PDE10A: variants seen among roughly 807,000 people sequenced by gnomAD.
PDE10A encodes the protein cAMP and cAMP-inhibited cGMP 3',5'-cyclic phosphodiesterase 10A.
Under a neutral mutation model 97.7 loss-of-function variants are expected in PDE10A, and 39 were observed. The observed-to-expected ratio is 0.40, with a 90% CI of 0.31 to 0.52. The LOEUF (loss-of-function observed/expected upper bound fraction) is 0.52, where lower values mean the gene tolerates loss of function less well. PDE10A is among the 20% of genes least tolerant of loss of function. The pLI is 0.56. For synonymous variants in PDE10A, 371 were observed against 376.8 expected, an observed-to-expected ratio of 0.98 and a Z score of 0.18; for missense variants, 731 against 1,047.8, an observed-to-expected ratio of 0.70 and a Z score of 4.17.
At chr6:165,812,330 AT>A (rs1284681659) in intron 1 of PDE10A, among the ~76,000 whole-genome samples, 6 of 152,226 alleles carry the variant, frequency 3.9e-5, no homozygotes, top group African/African-American at 1.4e-4. Flanking sequence ...CAAGAATGTT[AT>A]TTCTAATCTC....
chr6:165,675,955 A>G (rs1279061105), intron 1 of PDE10A, among the ~76,000 whole-genome samples: 1 of 152,238 alleles, frequency 6.6e-6, no homozygotes, highest in African/African-American at 2.4e-5. Context: ...TTGCAGGACT[A>G]TTCACAATAG....
chr6:165,726,045 G>T (rs1386792415), intron 1 of PDE10A, among the ~76,000 whole-genome samples: 1 of 152,158 alleles, frequency 6.6e-6, no homozygotes, highest in Non-Finnish European at 1.5e-5. Context: ...AGAAATAAAA[G>T]CTCTACTTCC....
chr6:165,849,590 C>G (rs1345501125), intron 1 of PDE10A, among the ~76,000 whole-genome samples: 1 of 152,166 alleles, frequency 6.6e-6, no homozygotes, highest in Non-Finnish European at 1.5e-5. Context: ...CATTCGCTGC[C>G]TAACCCAATT....
intron 1 of PDE10A, among the ~76,000 whole-genome samples, chr6:165,719,145 A>C (rs1792100673): frequency 6.6e-6 from 1 of 152,204 alleles, no homozygotes; most frequent in African/African-American, 2.4e-5. Flanking sequence ...AACTTTGAGG[A>C]TTAATTCAGG....
chr6:165,798,896 T>C (rs1275872815), intron 1 of PDE10A, among the ~76,000 whole-genome samples: 5 of 152,098 alleles, frequency 3.3e-5, no homozygotes, highest in African/African-American at 1.2e-4. Flanking sequence ...TTTGTAGAAA[T>C]GGGGTTTCAC....
At position 165,482,412 on chromosome 6, in the gene PDE10A, T is replaced by G. The variant is rs1779658567; in HGVS notation, c.995-69A>C. The G allele has an allele frequency of 2.6e-6, 3 of 1,142,474 alleles. No individual in the cohort carries two copies. In the East Asian group the frequency reaches 7.1e-5, roughly 27 times the overall value. 70.8% of individuals were successfully genotyped at this position (1,142,474 alleles called of 1,614,324 possible). A position where few individuals can be genotyped will look rare whatever the true frequency, so the allele number is the denominator to read the frequency against. ...AGTAGGTTTTAAAATACAAAACATG[T>G]CATTTGCTTTCAATAAACTTGAAGG... is the stretch of plus-strand genomic sequence containing the variant. On this transcript the variant is annotated intron_variant, in intron 2 of 21. Transcript: ENST00000539869.
intron 1 of PDE10A, among the ~76,000 whole-genome samples, chr6:165,874,374 GA>G (rs927972119): frequency 4.0e-4 from 55 of 136,306 alleles, no homozygotes; most frequent in African/African-American, 1.3e-3. Context: ...TTTCGCATTA[GA>G]AAAAAAAAAT....
chr6:165,683,650 C>T (rs918400999), intron 1 of PDE10A, among the ~76,000 whole-genome samples: 3 of 152,132 alleles, frequency 2.0e-5, no homozygotes, highest in African/African-American at 7.2e-5. Context: ...ACCTCCCTGA[C>T]CGTGTGAGGT....
At chr6:165,857,199 T>C (rs896228105) in intron 1 of PDE10A, among the ~76,000 whole-genome samples, 3 of 152,034 alleles carry the variant, frequency 2.0e-5, no homozygotes, top group African/African-American at 7.2e-5. Flanking sequence ...CCCAGGAGAA[T>C]TGGCATTAAC....
chr6:165,454,833 C>G (rs1777855690), intron 3 of PDE10A, among the ~76,000 whole-genome samples: 1 of 152,004 alleles, frequency 6.6e-6, no homozygotes. Context: ...TTTGTCTAAA[C>G]AGAAAAGTTG....
At chr6:165,526,104 T>C (rs1216945215) in intron 2 of PDE10A, among the ~76,000 whole-genome samples, 1 of 152,174 alleles carries the variant, frequency 6.6e-6, no homozygotes, top group Non-Finnish European at 1.5e-5. Context: ...CTTTCTCTCA[T>C]CCTTCCCCAA....
intron 3 of PDE10A, among the ~76,000 whole-genome samples, chr6:165,458,722 AT>A (rs1778114357): frequency 6.6e-6 from 1 of 152,128 alleles, no homozygotes; most frequent in Non-Finnish European, 1.5e-5. Flanking sequence ...ATGTTTTAAT[AT>A]TTTAAGAGCA....
intron 1 of PDE10A, among the ~76,000 whole-genome samples, chr6:165,867,023 C>T (rs1562774192): frequency 6.6e-6 from 1 of 151,720 alleles, no homozygotes; most frequent in Non-Finnish European, 1.5e-5. Context: ...GGAAAATACA[C>T]AAATGAGAAA....
chr6:165,649,739 A>G (rs961855758), intron 1 of PDE10A, among the ~76,000 whole-genome samples: 7 of 152,198 alleles, frequency 4.6e-5, no homozygotes, highest in Admixed American at 3.9e-4. Context: ...ATTAAATGTC[A>G]ATGTCACTTG....
chr6:165,607,221 A>T (rs777754197), intron 1 of PDE10A, among the ~76,000 whole-genome samples: 5 of 152,292 alleles, frequency 3.3e-5, no homozygotes, highest in South Asian at 4.1e-4. Flanking sequence ...CAACGCCTTG[A>T]GTTAATTTGG....
chr6:165,800,219 C>T (rs1021518077), intron 1 of PDE10A, among the ~76,000 whole-genome samples: 1 of 152,128 alleles, frequency 6.6e-6, no homozygotes, highest in African/African-American at 2.4e-5. Flanking sequence ...CCCTGAACAA[C>T]AGCAGGAAAA....
intron 1 of PDE10A, among the ~76,000 whole-genome samples, chr6:165,946,365 T>C (rs1172860616): frequency 1.3e-5 from 2 of 152,096 alleles, no homozygotes; most frequent in South Asian, 4.2e-4. Flanking sequence ...TGTGCTGGCA[T>C]GCGCCTGTAG....
At chr6:165,533,033 T>G (rs1583482757) in intron 2 of PDE10A, among the ~76,000 whole-genome samples, 1 of 152,196 alleles carries the variant, frequency 6.6e-6, no homozygotes, top group South Asian at 2.1e-4. Context: ...CCAGTCAGAA[T>G]GGCTAAAACT....
chr6:165,604,656 C>T (rs1230912802), intron 1 of PDE10A, among the ~76,000 whole-genome samples: 1 of 152,192 alleles, frequency 6.6e-6, no homozygotes, highest in Non-Finnish European at 1.5e-5. Context: ...TGGGATACTA[C>T]TTATCCTTTT....
Sources: gnomAD v4.1 joint callset for allele counts (sites outside exome capture counted in the v4.1 genomes callset) on GRCh38, gnomAD v4.1.1 for gene constraint, MANE v1.5 for transcripts, NCBI Gene and HGNC (gene_info 2026-07-23, HGNC 2026-07-21) for gene names.